PAX8: variants seen among roughly 807,000 people sequenced by gnomAD.
PAX8 encodes the protein paired box 8.
A neutral mutation model predicts 52.4 loss-of-function variants in PAX8; 15 were observed. That is an observed-to-expected ratio of 0.29 (90% CI 0.19 to 0.44). PAX8 has a LOEUF of 0.44. PAX8 is among the 20% of genes least tolerant of loss of function. The pLI, the probability that PAX8 is intolerant of heterozygous loss-of-function variation, is 1.00. For synonymous variants in PAX8, 284 were observed against 249.7 expected, an observed-to-expected ratio of 1.14 and a Z score of -1.29; for missense variants, 554 against 602.5, an observed-to-expected ratio of 0.92 and a Z score of 0.84.
At chr2:113,224,862 A>G (rs1459548619) in intron 10 of PAX8, among the ~76,000 whole-genome samples, 1 of 145,526 alleles carries the variant, frequency 6.9e-6, no homozygotes, top group Admixed American at 6.9e-5. Context: ...AAAATAAAAT[A>G]AAATAAAATA....
In PAX8 at chr2:113,244,595, C is replaced by G; in HGVS notation, c.221G>C (p.Gly74Ala). 1 of 1,614,184 alleles carries G rather than the reference C, an allele frequency of 6.2e-7. No individual in the cohort carries two copies. ...RYYETGSIRP[G>A]VIGGSKPKVA... ...CTTGGGCTTGGAGCCCCCTATCACT[C>G]CAGGCCGGATGCTGCCAGTCTCGTA... is the stretch of plus-strand genomic sequence containing the variant. Residue 74 changes from glycine (G) to alanine (A), a missense_variant, in exon 4 of 12, where the codon GGA becomes GCA. By Grantham distance (60) the Gly-to-Ala change is moderately conservative. This residue lies in a region of PAX8 where 109 missense variants were observed against 192.7 expected (regional missense o/e 0.57). Coordinates refer to ENST00000429538, the MANE Select transcript of PAX8 (RefSeq NM_003466.4).
At chr2:113,273,666 A>C (rs1033843368) in intron 2 of PAX8, 1 of 152,238 alleles carries the variant, frequency 6.6e-6, no homozygotes, top group Non-Finnish European at 1.5e-5. Flanking sequence ...TGTTTTTATG[A>C]GAACCAATTA....
At chr2:113,231,869 C>G (rs1243400209) in intron 9 of PAX8, among the ~76,000 whole-genome samples, 3 of 152,208 alleles carry the variant, frequency 2.0e-5, no homozygotes, top group Non-Finnish European at 4.4e-5. Context: ...GCTGGGATTA[C>G]AGGCATGTGC....
At chr2:113,241,495 T>C (rs1690837553) in intron 7 of PAX8, 56 bp downstream of exon 7, 19 of 1,509,724 alleles carry the variant, frequency 1.3e-5, no homozygotes, top group Non-Finnish European at 1.5e-5. Context: ...ATTTGGAGAA[T>C]AGACCTTCTC....
chr2:113,231,835 T>C (rs1205635502), intron 9 of PAX8, among the ~76,000 whole-genome samples: 2 of 152,190 alleles, frequency 1.3e-5, no homozygotes, highest in Non-Finnish European at 2.9e-5. Context: ...TTTAAGCAAT[T>C]CTCCTGCCTC....
intron 7 of PAX8, chr2:113,237,265 G>C (rs2104465962): frequency 6.5e-6 from 1 of 152,788 alleles, no homozygotes; most frequent in East Asian, 1.9e-4. Flanking sequence ...TCTTACATTT[G>C]CAAAGAGCTT....
At chr2:113,225,926 T>C (rs1016745362) in intron 10 of PAX8, 1 of 984,570 alleles carries the variant, frequency 1.0e-6, no homozygotes, top group African/African-American at 1.7e-5. Flanking sequence ...ACCAATCTCA[T>C]TTCACGCTCC....
intron 2 of PAX8, 74 bp from the exon 3 acceptor site, chr2:113,246,993 A>G: frequency 7.3e-7 from 1 of 1,368,668 alleles, no homozygotes; most frequent in Non-Finnish European, 1.0e-6. Flanking sequence ...CTATGAGTAC[A>G]GGTGCTGGTG....
intron 11 of PAX8, among the ~76,000 whole-genome samples, 175 bp downstream of exon 11, chr2:113,219,917 A>G (rs950973321): frequency 1.3e-5 from 2 of 152,112 alleles, no homozygotes; most frequent in African/African-American, 2.4e-5. Context: ...TCTTTCCCCA[A>G]ACAACCAGGT....
At chr2:113,234,728 C>T (rs1390975919) in intron 9 of PAX8, among the ~76,000 whole-genome samples, 2 of 152,164 alleles carry the variant, frequency 1.3e-5, no homozygotes, top group Non-Finnish European at 2.9e-5. Flanking sequence ...TCATCTTGGC[C>T]AGGCTGGTCT....
chr2:113,242,874 G>T lies in PAX8; in HGVS notation c.390-96C>A, dbSNP rs866219608. ...GTCGCCTTTTTGACACCCCTTTTGGGTATCTCCAAGGCACTTGAAACTCAA... is the reference window on the plus strand; with the variant it reads ...GTCGCCTTTTTGACACCCCTTTTGGTTATCTCCAAGGCACTTGAAACTCAA... On this transcript the variant is annotated intron_variant, in intron 4 of 11. Transcript: ENST00000429538. 26 of 880,124 alleles carry T rather than the reference G, an allele frequency of 3.0e-5. No individual in the cohort carries two copies. In the African/African-American group the frequency reaches 3.5e-4, roughly 12 times the overall value. 54.5% of individuals were successfully genotyped at this position (880,124 alleles called of 1,614,324 possible). A position where few individuals can be genotyped will look rare whatever the true frequency, so the allele number is the denominator to read the frequency against.
chr2:113,247,417 A>C (rs1867759), intron 2 of PAX8, among the ~76,000 whole-genome samples: 149,713 of 152,330 alleles, frequency 0.98, 73,640 homozygotes, highest in Middle Eastern at 1. Context: ...TTGAGAAAAA[A>C]AAATACAAAA....
intron 6 of PAX8, 129 bp downstream of exon 6, chr2:113,241,879 G>T: frequency 7.1e-7 from 1 of 1,410,202 alleles, no homozygotes; most frequent in Non-Finnish European, 9.9e-7. Flanking sequence ...TGAGGGACAG[G>T]ACATGTGACA....
chr2:113,238,195 G>A (rs577552165), intron 7 of PAX8: 18 of 150,422 alleles, frequency 1.2e-4, no homozygotes, highest in African/African-American at 3.4e-4. Flanking sequence ...TCAGCCTCCC[G>A]AGTAGCAGGG....
At chr2:113,274,896 A>G in intron 2 of PAX8, 1 of 152,232 alleles carries the variant, frequency 6.6e-6, no homozygotes, top group East Asian at 1.9e-4. Context: ...TAGGAAAATG[A>G]ATACCTATAA....
chr2:113,278,303 C>A, intron 2 of PAX8, 67 bp downstream of exon 2: 5 of 1,280,236 alleles, frequency 3.9e-6, no homozygotes, highest in Non-Finnish European at 5.7e-6. Context: ...GATCCAACCA[C>A]CCGAGCGCAC....
At chr2:113,257,093 T>C (rs1047932695) in intron 2 of PAX8, among the ~76,000 whole-genome samples, 24 of 152,222 alleles carry the variant, frequency 1.6e-4, no homozygotes, top group African/African-American at 5.8e-4. Flanking sequence ...GATTTCAAGT[T>C]AATTAACTTA....
At chr2:113,263,879 G>A (rs995342500) in intron 2 of PAX8, among the ~76,000 whole-genome samples, 2 of 152,070 alleles carry the variant, frequency 1.3e-5, no homozygotes, top group African/African-American at 2.4e-5. Flanking sequence ...ATCCCAGGAG[G>A]TTTTGATATA....
intron 2 of PAX8, among the ~76,000 whole-genome samples, chr2:113,264,713 G>A (rs1692934478): frequency 6.6e-6 from 1 of 152,236 alleles, no homozygotes; most frequent in African/African-American, 2.4e-5. Context: ...TACCCAGGGA[G>A]TGGAGCAGGT....
Sources: allele counts gnomAD v4.1 joint callset (sites outside exome capture counted in the v4.1 genomes callset), GRCh38; gene constraint gnomAD v4.1.1; regional missense constraint gnomAD v4.1.1; transcripts MANE v1.5; gene names NCBI Gene and HGNC (gene_info 2026-07-23, HGNC 2026-07-21).